Variants in MAP3K5 observed in about 807,000 individuals in gnomAD.
MAP3K5 encodes mitogen-activated protein kinase kinase kinase 5, also known as ASK-1.
MAP3K5 carries 56 observed loss-of-function variants against 158.7 expected under a neutral mutation model. The ratio of observed to expected loss-of-function variants is 0.35; its 90% CI spans 0.28 to 0.44. The LOEUF (loss-of-function observed/expected upper bound fraction) is 0.44, where lower values mean the gene tolerates loss of function less well. MAP3K5 is among the 20% of genes least tolerant of loss of function. The pLI is 1.00. For missense variants in MAP3K5, 1,294 were observed against 1,674.8 expected (o/e 0.77, Z 3.97); for synonymous variants, 579 against 601.7 (o/e 0.96, Z 0.55).
At chr6:136,656,216 C>A in intron 10 of MAP3K5, 91 bp downstream of exon 10, 1 of 1,188,002 alleles carries the variant, frequency 8.4e-7, no homozygotes, top group Non-Finnish European at 1.2e-6. Context: ...TTTAAGGCAC[C>A]AAAAATCAGC....
intron 3 of MAP3K5, among the ~76,000 whole-genome samples, chr6:136,703,460 G>A (rs530303667): frequency 6.6e-6 from 1 of 152,200 alleles, no homozygotes; most frequent in Admixed American, 6.5e-5. Context: ...CAATTAGACT[G>A]TCTACACAAC....
At chr6:136,744,846 G>T (rs1024678069) in intron 1 of MAP3K5, among the ~76,000 whole-genome samples, 5 of 152,192 alleles carry the variant, frequency 3.3e-5, no homozygotes, top group Admixed American at 6.5e-5. Flanking sequence ...TGGCCATCAG[G>T]ATTTTTGGAA....
chr6:136,587,098 C>T (rs551237617), intron 23 of MAP3K5, among the ~76,000 whole-genome samples: 1 of 152,172 alleles, frequency 6.6e-6, no homozygotes, highest in Non-Finnish European at 1.5e-5. Context: ...AAGATGCTCT[C>T]CAGTCTTTAT....
intron 3 of MAP3K5, among the ~76,000 whole-genome samples, chr6:136,704,706 T>C (rs144573715): frequency 0.011 from 1,709 of 152,180 alleles, 27 homozygotes; most frequent in African/African-American, 0.038. Context: ...CTACCACACC[T>C]GGCTAATTTT....
intron 1 of MAP3K5, among the ~76,000 whole-genome samples, chr6:136,724,672 T>G (rs957404063): frequency 6.6e-6 from 1 of 152,186 alleles, no homozygotes; most frequent in Non-Finnish European, 1.5e-5. Context: ...TGGTATAATT[T>G]TAAAATACAG....
intron 1 of MAP3K5, among the ~76,000 whole-genome samples, chr6:136,783,033 G>C (rs1023859413): frequency 6.6e-6 from 1 of 152,186 alleles, no homozygotes; most frequent in African/African-American, 2.4e-5. Context: ...GCTAGGCGCA[G>C]TGGCCCACGC....
At chr6:136,616,098 T>C (rs2129092878) in intron 15 of MAP3K5, among the ~76,000 whole-genome samples, 1 of 152,298 alleles carries the variant, frequency 6.6e-6, no homozygotes, top group Middle Eastern at 3.4e-3. Flanking sequence ...AGGGCACGTA[T>C]TAAAATGAGC....
chr6:136,655,615 T>C (rs1432162225), intron 10 of MAP3K5, among the ~76,000 whole-genome samples: 1 of 151,920 alleles, frequency 6.6e-6, no homozygotes, highest in African/African-American at 2.4e-5. Flanking sequence ...ATACAGGGAG[T>C]TGCCAGTAAT....
At chr6:136,685,276 C>T (rs1780100499) in intron 7 of MAP3K5, among the ~76,000 whole-genome samples, 1 of 152,134 alleles carries the variant, frequency 6.6e-6, no homozygotes, top group Admixed American at 6.6e-5. Flanking sequence ...CAAGATTGTA[C>T]CCCTGCACTT....
chr6:136,739,241 T>A (rs186048835), intron 1 of MAP3K5, among the ~76,000 whole-genome samples: 99 of 152,312 alleles, frequency 6.5e-4, no homozygotes, highest in African/African-American at 2.3e-3. Context: ...ATGGCCATGG[T>A]GTCGCTCCTG....
Position 136,601,841 on chromosome 6 carries a change from CTT to C in MAP3K5, c.2816_2817del (p.Lys939SerfsTer11). 6.2e-7 allele frequency: 1 copy of C among 1,614,094 alleles called. No individual in the cohort carries two copies. The highest frequency in any genetic ancestry group is 1.1e-5 in the South Asian group (1 of 91,080). Reference protein sequence around the residue: ...ANDLLVDEFLKVSSKKKKTQP... With the variant: ...ANDLLVDEFLXVSSKKKKTQP... ...TGTGTCTTTTTCTTTTTGCTTGAAA[CTT>C]TTAAAAACTCATCAACAAGCAAGTC... On this transcript the variant is annotated frameshift_variant, in exon 20 of 30. Coordinates refer to ENST00000359015, the MANE Select transcript of MAP3K5 (RefSeq NM_005923.4). LOFTEE classifies it high-confidence loss of function.
chr6:136,665,450 G>A (rs575470482), intron 8 of MAP3K5, among the ~76,000 whole-genome samples: 12 of 151,690 alleles, frequency 7.9e-5, no homozygotes, highest in Admixed American at 6.6e-4. Flanking sequence ...GGGTTCAAGC[G>A]ATTCTTTTGC....
At chr6:136,711,397 G>A (rs1210700304) in intron 2 of MAP3K5, among the ~76,000 whole-genome samples, 1 of 152,120 alleles carries the variant, frequency 6.6e-6, no homozygotes, top group Non-Finnish European at 1.5e-5. Context: ...AGGAGCGTTG[G>A]CTCATGCCTG....
intron 1 of MAP3K5, among the ~76,000 whole-genome samples, chr6:136,772,110 G>GGT (rs1784229074): frequency 1.6e-4 from 21 of 131,916 alleles, no homozygotes; most frequent in Admixed American, 7.4e-4. Flanking sequence ...GGGGGGGGGG[G>GGT]TTTACCATGT....
At chr6:136,659,108 T>A in intron 9 of MAP3K5, 111 bp downstream of exon 9, 1 of 1,001,808 alleles carries the variant, frequency 1.0e-6, no homozygotes, top group South Asian at 1.7e-5. Context: ...ATATTCTGCA[T>A]TTTATTTTAT....
chr6:136,695,875 A>G (rs1431039612), intron 6 of MAP3K5, 76 bp downstream of exon 6: 1 of 825,652 alleles, frequency 1.2e-6, no homozygotes, highest in Non-Finnish European at 2.0e-6. Context: ...GCTGCAGTGA[A>G]CACATTCTCT....
At chr6:136,690,523 G>A (rs570071606) in intron 7 of MAP3K5, among the ~76,000 whole-genome samples, 8 of 152,158 alleles carry the variant, frequency 5.3e-5, no homozygotes, top group Non-Finnish European at 1.0e-4. Flanking sequence ...GATATTGTCA[G>A]ATTTATAAAT....
intron 12 of MAP3K5, 142 bp from the exon 13 acceptor site, chr6:136,639,780 A>G (rs1268052090): frequency 5.2e-6 from 3 of 581,604 alleles, no homozygotes; most frequent in Non-Finnish European, 9.2e-6. Context: ...CACTTTAAAA[A>G]GTGATACTTC....
At chr6:136,759,709 G>C (rs1254885137) in intron 1 of MAP3K5, among the ~76,000 whole-genome samples, 1 of 150,038 alleles carries the variant, frequency 6.7e-6, no homozygotes, top group Non-Finnish European at 1.5e-5. Context: ...CTGGGCTCAA[G>C]CGATCTGCTC....
Sources: gnomAD v4.1 joint callset for allele counts (sites outside exome capture counted in the v4.1 genomes callset) on GRCh38, gnomAD v4.1.1 for gene constraint, MANE v1.5 for transcripts, NCBI Gene and HGNC (gene_info 2026-07-23, HGNC 2026-07-21) for gene names.